ANKRD31: variants seen among roughly 807,000 people sequenced by gnomAD.
The protein encoded by ANKRD31 is ankyrin repeat domain 31.
A neutral mutation model predicts 186.0 loss-of-function variants in ANKRD31; 147 were observed. The observed-to-expected ratio is 0.79, with a 90% CI of 0.69 to 0.91. The LOEUF (loss-of-function observed/expected upper bound fraction) is 0.91. Among genes scored for constraint, ANKRD31 ranks in the 40% least tolerant of loss-of-function variants. The pLI is 0.00. For missense variants in ANKRD31, 1,986 were observed against 2,148.8 expected (o/e 0.92, Z 1.50); for synonymous variants, 673 against 736.4 (o/e 0.91, Z 1.39).
At chr5:75,118,353 GT>G in intron 17 of ANKRD31, 56 bp from the exon 18 acceptor site, 1 of 1,301,764 alleles carries the variant, frequency 7.7e-7, no homozygotes, top group East Asian at 2.9e-5. Context: ...AATAATTTCT[GT>G]TTTCATCACA....
chr5:75,098,118 G>T (rs1337034301), intron 22 of ANKRD31, among the ~76,000 whole-genome samples: 1 of 151,710 alleles, frequency 6.6e-6, no homozygotes, highest in Non-Finnish European at 1.5e-5. Context: ...TCTGCCTCCC[G>T]AGTAGCTGGG....
intron 17 of ANKRD31, among the ~76,000 whole-genome samples, chr5:75,134,839 C>T (rs1219383596): frequency 6.6e-6 from 1 of 152,100 alleles, no homozygotes; most frequent in Non-Finnish European, 1.5e-5. Flanking sequence ...GGGCTTCATC[C>T]CTGGGATACA....
intron 11 of ANKRD31, 78 bp downstream of exon 11, chr5:75,168,901 T>G (rs1753116360): frequency 7.6e-7 from 1 of 1,307,958 alleles, no homozygotes; most frequent in Admixed American, 2.9e-5. Flanking sequence ...TCTGTATGTT[T>G]TTCTATTGTG....
chr5:75,229,858 C>T (rs1757835922), intron 2 of ANKRD31, among the ~76,000 whole-genome samples: 1 of 107,898 alleles, frequency 9.3e-6, no homozygotes. Flanking sequence ...GAGTGAGACT[C>T]TGTCTCAAAA....
intron 24 of ANKRD31, among the ~76,000 whole-genome samples, chr5:75,081,362 T>C (rs755094005): frequency 7.9e-5 from 12 of 151,842 alleles, no homozygotes; most frequent in Non-Finnish European, 1.6e-4. Flanking sequence ...AAATATCTAA[T>C]GGAAAGAAAA....
At chr5:75,172,937 A>C (rs568299027) in intron 10 of ANKRD31, among the ~76,000 whole-genome samples, 4 of 152,318 alleles carry the variant, frequency 2.6e-5, no homozygotes, top group South Asian at 2.1e-4. Flanking sequence ...ACAACAAAAA[A>C]AGAGAATTTT....
At chr5:75,193,633 C>CA (rs1561524747) in intron 7 of ANKRD31, 42 bp from the exon 8 acceptor site, 31 of 1,479,642 alleles carry the variant, frequency 2.1e-5, no homozygotes, top group Non-Finnish European at 2.7e-5. Context: ...TACAACACTG[C>CA]AAAAAAATTA....
rs927691497 is a variant in ANKRD31 at position 75,199,691 on chromosome 5, T to G, written c.404-17A>C. 17 of 1,530,588 alleles carry G rather than the reference T, an allele frequency of 1.1e-5. No individual in the cohort carries two copies. The highest frequency in any genetic ancestry group is 1.5e-5 in the Non-Finnish European group (17 of 1,143,320). 94.8% of individuals were successfully genotyped at this position (1,530,588 alleles called of 1,614,324 possible). ...CCTCTGGCCCTAGAAAAAAACAATG[T>G]GTTTTCATTCCAGTTTTATGGAAGC... On this transcript the variant is annotated splice_polypyrimidine_tract_variant and intron_variant, in intron 5 of 25. Transcript: ENST00000506364.
intron 22 of ANKRD31, among the ~76,000 whole-genome samples, chr5:75,100,951 T>A (rs1746812231): frequency 1.3e-5 from 2 of 152,206 alleles, no homozygotes. Context: ...TATGTATGAA[T>A]TTGATCCTGT....
intron 2 of ANKRD31, among the ~76,000 whole-genome samples, chr5:75,223,008 G>T (rs1757398541): frequency 6.6e-6 from 1 of 152,150 alleles, no homozygotes; most frequent in African/African-American, 2.4e-5. Flanking sequence ...AGATACTTGA[G>T]GAATCCCTGT....
chr5:75,209,596 G>C (rs1756477720), intron 4 of ANKRD31, among the ~76,000 whole-genome samples: 1 of 152,048 alleles, frequency 6.6e-6, no homozygotes, highest in Non-Finnish European at 1.5e-5. Flanking sequence ...AGAATTGCTT[G>C]AATCTGGCAG....
At chr5:75,145,080 A>G (rs1038001347) in intron 14 of ANKRD31, among the ~76,000 whole-genome samples, 1 of 152,206 alleles carries the variant, frequency 6.6e-6, no homozygotes, top group Non-Finnish European at 1.5e-5. Context: ...TTAAAAAGTC[A>G]TGAAACAACA....
rs80103881 is a variant in ANKRD31 at position 75,149,366 on chromosome 5, G to T, written c.1853-738C>A. On this transcript the variant is annotated intron_variant, in intron 12 of 25. Coordinates refer to ENST00000506364, the MANE Select transcript of ANKRD31 (RefSeq NM_001372053.1). ...ATAACACAAATTTCCCTAAATATAA[G>T]CTAGAAATGTAAAATATTTTAATGA... Among the ~76,000 whole-genome samples, 5 of 151,926 alleles carry T rather than the reference G, an allele frequency of 3.3e-5. No individual in the cohort carries two copies. The East Asian group carries it at 9.7e-4, about 29-fold the overall frequency.
rs775462416 is a variant in ANKRD31, at chr5:75,196,122, C to T, written c.526G>A (p.Val176Ile). 4 of 1,535,124 alleles carry T rather than the reference C, an allele frequency of 2.6e-6. No individual in the cohort carries two copies. The highest frequency in any genetic ancestry group is 2.4e-5 in the East Asian group (1 of 40,896). The change falls in exon 7 of 26, where the codon GTA (valine) becomes ATA (isoleucine). Residue 176 changes from valine (V) to isoleucine (I), a missense_variant. Coordinates refer to ENST00000506364, the MANE Select transcript of ANKRD31 (RefSeq NM_001372053.1). ...GGCTCTACTAATGATGTCTCCTTTA[C>T]AGCAACTGTATCAGATACTGTAATA... is the stretch of plus-strand genomic sequence containing the variant. The part of the protein sequence containing the change: ...TAITVSDTVA[V>I]KETSLVEPEK...
chr5:75,196,103 A>G lies in ANKRD31; in HGVS notation c.545T>C (p.Val182Ala), dbSNP rs1031137326. Residue 182 changes from valine (V) to alanine (A), a missense_variant, in exon 7 of 26, where the codon GTA becomes GCA. Val to Ala is a moderately conservative substitution (Grantham distance 64). Transcript: ENST00000506364. ...DTVAVKETSL[V>A]EPEKILAAPN... ...TGCTGCTAAAATCTTCTCTGGCTCT[A>G]CTAATGATGTCTCCTTTACAGCAAC... is the stretch of plus-strand genomic sequence containing the variant. 28 of 1,536,540 alleles carry G rather than the reference A, an allele frequency of 1.8e-5. No individual in the cohort carries two copies. Among genetic ancestry groups the G allele is most frequent in the Non-Finnish European group, 6.1e-6 (7 of 1,146,652 alleles).
In ANKRD31 at chr5:75,165,564, T is replaced by C. The variant is rs140601438; in HGVS notation, c.1707+3415A>G. Among the ~76,000 whole-genome samples the C allele has an allele frequency of 9.9e-5, 15 of 152,252 alleles. No individual in the cohort carries two copies. The East Asian group carries it at 2.5e-3, about 25-fold the overall frequency. On this transcript the variant is annotated intron_variant, in intron 11 of 25. Transcript: ENST00000506364. ...GATTTTTTTTCCTTCTAAAAGGATATAGTTCACTGAAAACGCCTAAAAGCA... is the reference window on the plus strand; with the variant it reads ...GATTTTTTTTCCTTCTAAAAGGATACAGTTCACTGAAAACGCCTAAAAGCA...
At chr5:75,120,196 A>T (rs1045232891) in intron 17 of ANKRD31, among the ~76,000 whole-genome samples, 14 of 152,020 alleles carry the variant, frequency 9.2e-5, no homozygotes, top group Admixed American at 5.2e-4. Context: ...GGAGTTCGAG[A>T]CCAGCCTGTG....
chr5:75,158,518 C>T (rs1752350250), intron 11 of ANKRD31, among the ~76,000 whole-genome samples: 1 of 152,126 alleles, frequency 6.6e-6, no homozygotes, highest in African/African-American at 2.4e-5. Context: ...GTGGCTCATG[C>T]CTGTCCCAGT....
intron 10 of ANKRD31, among the ~76,000 whole-genome samples, chr5:75,183,180 C>A (rs58695015): frequency 0.049 from 7,440 of 152,134 alleles, 395 homozygotes; most frequent in African/African-American, 0.13. Context: ...TCAAAAGATG[C>A]AGAAAAAGCA....
Sources: gnomAD v4.1 joint callset for allele counts (sites outside exome capture counted in the v4.1 genomes callset) on GRCh38, gnomAD v4.1.1 for gene constraint, MANE v1.5 for transcripts, NCBI Gene and HGNC (gene_info 2026-07-23, HGNC 2026-07-21) for gene names.